The following UST variants were observed in gnomAD, a reference collection of about 807,000 sequenced individuals.
The protein encoded by UST is chondroitin sulfate 2-O-sulfotransferase.
A neutral mutation model predicts 45.6 loss-of-function variants in UST; 21 were observed. The observed-to-expected ratio is 0.46, with a 90% confidence interval of 0.33 to 0.66. UST has a LOEUF of 0.66. Among genes scored for constraint, UST ranks in the 30% least tolerant of loss-of-function variants. The pLI is 0.02. For missense variants in UST, 463 were observed against 512.4 expected, an observed-to-expected ratio of 0.90 and a Z score of 0.93; for synonymous variants, 215 against 200.6, an observed-to-expected ratio of 1.07 and a Z score of -0.61.
At chr6:148,964,672 T>C (rs1780745655) in intron 5 of UST, 109 bp downstream of exon 5, 3 of 1,418,762 alleles carry the variant, frequency 2.1e-6, no homozygotes, top group Middle Eastern at 5.1e-4. Flanking sequence ...GGCGCCTCCA[T>C]GGAGCGTGGC....
chr6:149,042,850 A>G (rs1247131459), intron 7 of UST, among the ~76,000 whole-genome samples: 1 of 151,442 alleles, frequency 6.6e-6, no homozygotes, highest in African/African-American at 2.4e-5. Flanking sequence ...AAACTCCTGG[A>G]CTCACGTGCT....
chr6:148,767,932 C>T (rs903616360), intron 1 of UST, among the ~76,000 whole-genome samples: 3 of 151,972 alleles, frequency 2.0e-5, no homozygotes, highest in Non-Finnish European at 2.9e-5. Flanking sequence ...TGATATTTGG[C>T]CCATTTCTAG....
intron 1 of UST, among the ~76,000 whole-genome samples, chr6:148,811,895 T>C (rs1236121715): frequency 1.3e-5 from 2 of 152,102 alleles, no homozygotes; most frequent in South Asian, 2.1e-4. Context: ...GTGCAAGGAG[T>C]GTCAGAGAGG....
chr6:149,049,675 C>T (rs904976399), intron 7 of UST, among the ~76,000 whole-genome samples: 1 of 152,172 alleles, frequency 6.6e-6, no homozygotes, highest in African/African-American at 2.4e-5. Context: ...ATCCCTCTCT[C>T]TTCCGTGTTC....
Position 149,073,977 on chromosome 6 carries a change from A to C in UST, c.1082A>C (p.Lys361Thr), listed in dbSNP as rs1562346761. 2 of 1,614,028 alleles carry C rather than the reference A, an allele frequency of 1.2e-6. No individual in the cohort carries two copies. The highest frequency in any genetic ancestry group is 1.7e-6 in the Non-Finnish European group (2 of 1,180,008). The change falls in exon 8 of 8, where the codon AAG becomes ACG. Residue 361 changes from lysine to threonine, a missense_variant. By Grantham distance (78) the Lys-to-Thr change is moderately conservative. Coordinates refer to ENST00000367463, the MANE Select transcript of UST (RefSeq NM_005715.3). ...VKEQFHLLKR[K>T]FGLKSHVSKP... The stretch of plus-strand genomic sequence containing the variant: ...GAGCAGTTCCACCTGCTGAAGCGCA[A>C]GTTTGGACTTAAGTCTCACGTCAGC...
At chr6:149,069,702 T>A (rs1054818243) in intron 7 of UST, among the ~76,000 whole-genome samples, 1 of 152,232 alleles carries the variant, frequency 6.6e-6, no homozygotes, top group Non-Finnish European at 1.5e-5. Flanking sequence ...GTTGACCCAG[T>A]CACCTAATCG....
chr6:148,838,913 G>A (rs562596875), intron 1 of UST, among the ~76,000 whole-genome samples: 18 of 152,162 alleles, frequency 1.2e-4, no homozygotes. Flanking sequence ...CCCCCAGCAG[G>A]TCCCCTGAAT....
In UST at chr6:148,821,875, C is replaced by T. The variant is rs1197834769; in HGVS notation, c.248-65111C>T. ...TGATTCAATGGTCTATATTCCATTA[C>T]TATCAGCATTTATTTTGATGCTCAA... On this transcript the variant is annotated intron_variant, in intron 1 of 7. Coordinates refer to ENST00000367463, the MANE Select transcript of UST (RefSeq NM_005715.3). Among the ~76,000 whole-genome samples, 3 of 152,214 alleles carry T rather than the reference C, an allele frequency of 2.0e-5. No individual in the cohort carries two copies. The South Asian group carries it at 6.2e-4, about 32-fold the overall frequency.
intron 2 of UST, among the ~76,000 whole-genome samples, chr6:148,899,246 C>T (rs1779201120): frequency 6.6e-6 from 1 of 151,734 alleles, no homozygotes; most frequent in Non-Finnish European, 1.5e-5. Flanking sequence ...ACTACAGGCA[C>T]CCGCCACTAC....
chr6:148,923,849 A>G (rs577930150), intron 2 of UST, among the ~76,000 whole-genome samples: 28 of 152,280 alleles, frequency 1.8e-4, no homozygotes, highest in Non-Finnish European at 2.6e-4. Context: ...TGGAAGCCAG[A>G]TAGGCCGGGG....
intron 5 of UST, among the ~76,000 whole-genome samples, chr6:149,010,436 G>C (rs1259905847): frequency 6.6e-6 from 1 of 152,122 alleles, no homozygotes; most frequent in Non-Finnish European, 1.5e-5. Context: ...GGATATTTCT[G>C]GGGGAGAGGC....
chr6:148,866,573 G>C (rs1175963889), intron 1 of UST, among the ~76,000 whole-genome samples: 2 of 152,160 alleles, frequency 1.3e-5, no homozygotes, highest in African/African-American at 4.8e-5. Flanking sequence ...ATAAATGCCA[G>C]TTGCATTCTA....
At chr6:148,874,801 C>T (rs1268885108) in intron 1 of UST, among the ~76,000 whole-genome samples, 2 of 152,180 alleles carry the variant, frequency 1.3e-5, no homozygotes, top group East Asian at 1.9e-4. Context: ...TTGTTAGCAA[C>T]GGCTGGTGTG....
chr6:148,857,679 T>G (rs971154466), intron 1 of UST, among the ~76,000 whole-genome samples: 1 of 151,156 alleles, frequency 6.6e-6, no homozygotes, highest in Non-Finnish European at 1.5e-5. Flanking sequence ...CTTATGAAAT[T>G]TCCCAGATGT....
At chr6:148,787,991 A>G (rs76485673) in intron 1 of UST, among the ~76,000 whole-genome samples, 6,622 of 152,278 alleles carry the variant, frequency 0.043, 204 homozygotes, top group South Asian at 0.13. Flanking sequence ...GTCTGTTTTC[A>G]TGCTGCTGAT....
intron 2 of UST, among the ~76,000 whole-genome samples, chr6:148,890,527 T>A (rs1778996150): frequency 6.6e-6 from 1 of 152,210 alleles, no homozygotes; most frequent in Admixed American, 6.5e-5. Context: ...AAAATAAGAT[T>A]TTTAAACCCT....
chr6:148,849,325 C>T (rs757510256), intron 1 of UST, among the ~76,000 whole-genome samples: 1 of 152,148 alleles, frequency 6.6e-6, no homozygotes, highest in Non-Finnish European at 1.5e-5. Flanking sequence ...CTGCATAAAC[C>T]TCCTTCTTTG....
intron 7 of UST, among the ~76,000 whole-genome samples, chr6:149,067,320 A>G (rs1776746561): frequency 6.6e-6 from 1 of 152,220 alleles, no homozygotes. Flanking sequence ...ATTTCTAGGT[A>G]GATAAGGGAA....
intron 7 of UST, among the ~76,000 whole-genome samples, chr6:149,033,569 C>T (rs1776188112): frequency 6.6e-6 from 1 of 152,100 alleles, no homozygotes; most frequent in African/African-American, 2.4e-5. Flanking sequence ...CTAGTAAGCA[C>T]GTTCATTTCA....
Sources: gnomAD v4.1 joint callset for allele counts (sites outside exome capture counted in the v4.1 genomes callset) on GRCh38, gnomAD v4.1.1 for gene constraint, MANE v1.5 for transcripts, NCBI Gene and HGNC (gene_info 2026-07-23, HGNC 2026-07-21) for gene names.